ADGRV1: variants seen among roughly 807,000 people sequenced by gnomAD.
The protein encoded by ADGRV1 is G-protein coupled receptor 98.
In ADGRV1, 359 loss-of-function variants were observed where a neutral mutation model predicts 596.2. The observed-to-expected ratio is 0.60, with a 90% CI of 0.55 to 0.66. The LOEUF (loss-of-function observed/expected upper bound fraction) is 0.66, where lower values mean the gene tolerates loss of function less well. ADGRV1 is among the 30% of genes least tolerant of loss of function. ADGRV1 has a pLI of 0.00. For missense variants in ADGRV1, 7,274 were observed against 7,575.6 expected (o/e 0.96, Z 1.48); for synonymous variants, 2,681 against 2,679.2 (o/e 1.00, Z -0.02).
intron 10 of ADGRV1, among the ~76,000 whole-genome samples, chr5:90,637,011 GAATTATT>G (rs1766298967): frequency 6.6e-6 from 1 of 152,040 alleles, no homozygotes; most frequent in African/African-American, 2.4e-5. Context: ...ATTTGTTTCA[GAATTATT>G]ATAATAGCTT....
intron 48 of ADGRV1, 117 bp downstream of exon 48, chr5:90,725,773 T>G (rs1751689800): frequency 4.8e-6 from 3 of 629,222 alleles, no homozygotes; most frequent in Non-Finnish European, 8.4e-6. Flanking sequence ...AAAATTTGAT[T>G]GTGGTAAAGT....
At chr5:90,774,478 AC>A (rs1561702524) in intron 60 of ADGRV1, among the ~76,000 whole-genome samples, 175 bp downstream of exon 60, 2 of 152,322 alleles carry the variant, frequency 1.3e-5, no homozygotes, top group East Asian at 3.9e-4. Context: ...AAATTATAAT[AC>A]CCAATCTTGG....
chr5:91,091,241 C>T (rs960680719), intron 86 of ADGRV1, among the ~76,000 whole-genome samples: 5 of 152,060 alleles, frequency 3.3e-5, no homozygotes, highest in African/African-American at 1.2e-4. Context: ...GCTTTGTTTA[C>T]AAGCCACAAA....
chr5:90,725,633 A>G lies in ADGRV1; in HGVS notation c.10138A>G (p.Arg3380Gly). The change falls in exon 48 of 90, where the codon AGA (arginine) becomes GGA (glycine). Residue 3380 changes from arginine to glycine, a missense_variant. Physicochemically the swap from Arg to Gly is moderately radical, Grantham distance 125 (BLOSUM62 -2). Transcript: ENST00000405460. ...AGATTATTTAATCATTGCAAGTCAA[A>G]GAGATGATTCCGAATTAACTCAGGT... is the stretch of plus-strand genomic sequence containing the variant. ...SQDYLIIASQ[R>G]DDSELTQVFR... The G allele has an allele frequency of 6.4e-7, 1 of 1,562,682 alleles. No homozygotes were observed.
chr5:91,098,729 C>T lies in ADGRV1; in HGVS notation c.18311-3490C>T, dbSNP rs527662041. Among the ~76,000 whole-genome samples, 8 of 150,992 alleles carry T rather than the reference C, an allele frequency of 5.3e-5. 1 individual carries two copies. The highest frequency in any genetic ancestry group is 1.5e-4 in the African/African-American group (6 of 40,338). On this transcript the variant is annotated intron_variant, in intron 86 of 89. Coordinates refer to ENST00000405460, the MANE Select transcript of ADGRV1 (RefSeq NM_032119.4). The stretch of plus-strand genomic sequence containing the variant: ...GGACATTCTCATGAGCCCCAGTATG[C>T]TCCCTTAGCTTCTCCACTAAGCTCT...
chr5:91,060,822 TG>T (rs1158409150), intron 85 of ADGRV1, among the ~76,000 whole-genome samples: 3 of 149,848 alleles, frequency 2.0e-5, no homozygotes, highest in African/African-American at 7.3e-5. Context: ...AAGCCACATA[TG>T]GGGCTAATTT....
At chr5:90,961,515 TG>T (rs1159296530) in intron 83 of ADGRV1, among the ~76,000 whole-genome samples, 1 of 112,100 alleles carries the variant, frequency 8.9e-6, no homozygotes, top group Non-Finnish European at 1.7e-5. Context: ...AAAGGGGGGG[TG>T]GCGGTCATTT....
intron 50 of ADGRV1, among the ~76,000 whole-genome samples, chr5:90,737,852 A>T (rs1753450328): frequency 6.6e-6 from 1 of 151,342 alleles, no homozygotes; most frequent in Non-Finnish European, 1.5e-5. Context: ...GCAGCATATG[A>T]TTGGATCTTA....
At position 90,779,093 on chromosome 5, in the gene ADGRV1, G is replaced by A. The variant is rs759432022; in HGVS notation, c.13078G>A (p.Gly4360Arg). 6.3e-7 allele frequency: 1 copy of A among 1,581,794 alleles called. No homozygotes were observed. Among genetic ancestry groups the A allele is most frequent in the Non-Finnish European group, 8.7e-7 (1 of 1,151,710 alleles). The change falls in exon 64 of 90, where the codon GGA (glycine) becomes AGA (arginine). Residue 4360 changes from glycine to arginine, a missense_variant. Around this residue, in one of 5 missense-constraint regions of ADGRV1, gnomAD observed 3,643 missense variants for 3,809.2 expected, o/e 0.96. Transcript: ENST00000405460. ...AACAATTACAAAGGTGGAACTCCAG[G>A]GAAGGTAAAGGAGAAAGGCAATTAG... ...SLTITKVELQ[G>R]RGYDFTIQEN...
At chr5:91,049,235 T>A (rs115644031) in intron 85 of ADGRV1, among the ~76,000 whole-genome samples, 2,420 of 152,300 alleles carry the variant, frequency 0.016, 46 homozygotes, top group African/African-American at 0.054. Context: ...CACTGGTTTA[T>A]TCTCATAAAG....
intron 75 of ADGRV1, among the ~76,000 whole-genome samples, chr5:90,819,191 G>A (rs1554127646): frequency 1.3e-5 from 2 of 152,152 alleles, no homozygotes; most frequent in Non-Finnish European, 2.9e-5. Flanking sequence ...AGATATTCTA[G>A]TTTATTTGCG....
chr5:90,721,097 GA>G (rs2149772374), intron 45 of ADGRV1, 38 bp downstream of exon 45: 3 of 1,571,250 alleles, frequency 1.9e-6, no homozygotes, highest in Non-Finnish European at 2.6e-6. Flanking sequence ...ATTCTGTAAC[GA>G]AAAAATATTG....
intron 84 of ADGRV1, among the ~76,000 whole-genome samples, chr5:90,977,322 A>AG (rs1449388256): frequency 6.6e-6 from 1 of 152,210 alleles, no homozygotes; most frequent in Non-Finnish European, 1.5e-5. Context: ...GAAATGAATG[A>AG]TTAAGGGCAT....
intron 83 of ADGRV1, among the ~76,000 whole-genome samples, chr5:90,900,379 T>C (rs1771730068): frequency 6.6e-6 from 1 of 151,526 alleles, no homozygotes; most frequent in Non-Finnish European, 1.5e-5. Flanking sequence ...TGTGTAACCA[T>C]GAATATAGGT....
At chr5:90,626,837 A>G (rs1316495285) in intron 6 of ADGRV1, among the ~76,000 whole-genome samples, 1 of 152,236 alleles carries the variant, frequency 6.6e-6, no homozygotes, top group Non-Finnish European at 1.5e-5. Flanking sequence ...CCAGATTCTT[A>G]GGTATTATTA....
chr5:91,041,024 A>G (rs192348144), intron 85 of ADGRV1, among the ~76,000 whole-genome samples: 79 of 152,202 alleles, frequency 5.2e-4, no homozygotes, highest in African/African-American at 1.9e-3. Flanking sequence ...GACTTGCCCA[A>G]TTACACTGTT....
rs571042565 is a variant in ADGRV1, at chr5:91,036,113, A to C, written c.18153-36334A>C. Among the ~76,000 whole-genome samples, 10 of 152,048 alleles carry C rather than the reference A, an allele frequency of 6.6e-5. No homozygotes were observed. In the East Asian group the frequency reaches 1.9e-3, roughly 29 times the overall value. On this transcript the variant is annotated intron_variant, in intron 85 of 89. Coordinates refer to ENST00000405460, the MANE Select transcript of ADGRV1 (RefSeq NM_032119.4). ...TAAATGAATTCACAATATACTTCAC[A>C]TAAGGAGGTAAGGCATGTATCCTTA...
At chr5:91,158,631 G>A (rs985100101) in intron 89 of ADGRV1, among the ~76,000 whole-genome samples, 1 of 152,156 alleles carries the variant, frequency 6.6e-6, no homozygotes, top group Non-Finnish European at 1.5e-5. Flanking sequence ...TCTCAAATGA[G>A]CAAGTAGGTC....
rs149585049 is a variant in ADGRV1 at position 90,976,020 on chromosome 5, A to G, written c.17974-9324A>G. Reference sequence around the variant, plus strand: ...ATAGCATATACTAATGGTACAAAACATAATCGAATACTAAATAAAAAGTAC... The same window carrying G: ...ATAGCATATACTAATGGTACAAAACGTAATCGAATACTAAATAAAAAGTAC... On this transcript the variant is annotated intron_variant, in intron 84 of 89. Transcript: ENST00000405460. Among the ~76,000 whole-genome samples, 1,045 of 152,096 alleles carry G rather than the reference A, an allele frequency of 6.9e-3. 11 individuals are homozygous for G. The highest frequency in any genetic ancestry group is 0.024 in the African/African-American group (991 of 41,520).
Sources: allele counts gnomAD v4.1 joint callset (sites outside exome capture counted in the v4.1 genomes callset), GRCh38; gene constraint gnomAD v4.1.1; regional missense constraint gnomAD v4.1.1; transcripts MANE v1.5; gene names NCBI Gene and HGNC (gene_info 2026-07-23, HGNC 2026-07-21).